Variants in SLIT2 observed in about 807,000 individuals in gnomAD.
SLIT2 encodes the protein slit homolog 2 protein.
In SLIT2, 41 loss-of-function variants were observed where a neutral mutation model predicts 185.7. The ratio of observed to expected loss-of-function variants is 0.22; its 90% CI spans 0.17 to 0.29. SLIT2 has a LOEUF of 0.29. Among genes scored for constraint, SLIT2 ranks in the 10% least tolerant of loss-of-function variants. SLIT2 has a pLI of 1.00. For missense variants in SLIT2, 1,571 were observed against 1,909.0 expected, an observed-to-expected ratio of 0.82 and a Z score of 3.30; for synonymous variants, 693 against 680.2, an observed-to-expected ratio of 1.02 and a Z score of -0.29.
chr4:20,309,011 T>C (rs974767787), intron 4 of SLIT2, among the ~76,000 whole-genome samples: 1 of 152,124 alleles, frequency 6.6e-6, no homozygotes, highest in Non-Finnish European at 1.5e-5. Flanking sequence ...CCTAAGGTAT[T>C]TTAGGATTCT....
intron 4 of SLIT2, among the ~76,000 whole-genome samples, chr4:20,333,782 G>A (rs558234685): frequency 6.6e-6 from 1 of 152,128 alleles, no homozygotes; most frequent in Admixed American, 6.6e-5. Context: ...AGGATACGAT[G>A]TTGTATTGCT....
chr4:20,442,543 A>AG lies in SLIT2; in HGVS notation c.396-25201dup, dbSNP rs1221386484. 2.9e-3 allele frequency among the ~76,000 whole-genome samples: 364 copies of AG among 125,512 alleles called. 1 individual carries two copies. The highest frequency in any genetic ancestry group is 6.7e-3 in the African/African-American group (210 of 31,330). 82.3% of individuals were successfully genotyped at this position (125,512 alleles called of 152,430 possible). Reference sequence around the variant, plus strand: ...TGTCTCAAAAAAAAAAAAAAAAAAAAGGGGGGGGAGGGACCGATTTTATGA... The same window carrying AG: ...TGTCTCAAAAAAAAAAAAAAAAAAAAGGGGGGGGGAGGGACCGATTTTATGA... On this transcript the variant is annotated intron_variant, in intron 4 of 36. Coordinates refer to ENST00000504154, the MANE Select transcript of SLIT2 (RefSeq NM_004787.4).
rs1344851649 is a variant in SLIT2 at position 20,463,454 on chromosome 4, T to G, written c.396-4298T>G. Among the ~76,000 whole-genome samples the G allele has an allele frequency of 3.7e-3, 116 of 31,414 alleles. 1 individual carries two copies. The highest frequency in any genetic ancestry group is 0.014 in the Middle Eastern group (1 of 72). 20.6% of individuals were successfully genotyped at this position (31,414 alleles called of 152,430 possible). The stretch of plus-strand genomic sequence containing the variant: ...TTCATTGACCTCAAACTGTGATATA[T>G]ATATATATATATATATATATATATA... On this transcript the variant is annotated intron_variant, in intron 4 of 36. Transcript: ENST00000504154.
intron 3 of SLIT2, among the ~76,000 whole-genome samples, chr4:20,259,981 C>T (rs370866715): frequency 1.1e-4 from 16 of 151,754 alleles, no homozygotes; most frequent in African/African-American, 3.9e-4. Context: ...GAATTCAAAA[C>T]CATTTCTTAG....
intron 33 of SLIT2, among the ~76,000 whole-genome samples, chr4:20,606,592 G>A (rs1728813306): frequency 6.6e-6 from 1 of 152,114 alleles, no homozygotes. Flanking sequence ...TAATCTCAAT[G>A]ATAAGTCTTG....
At chr4:20,413,691 A>T (rs940159913) in intron 4 of SLIT2, among the ~76,000 whole-genome samples, 4 of 152,170 alleles carry the variant, frequency 2.6e-5, no homozygotes, top group Middle Eastern at 3.4e-3. Context: ...TATGAAATAT[A>T]CTTCTTTTTC....
At chr4:20,302,703 C>A (rs1717169423) in intron 4 of SLIT2, among the ~76,000 whole-genome samples, 1 of 152,120 alleles carries the variant, frequency 6.6e-6, no homozygotes, top group South Asian at 2.1e-4. Flanking sequence ...ATCCAGTGAC[C>A]AAGAGAGGAG....
intron 4 of SLIT2, among the ~76,000 whole-genome samples, chr4:20,407,930 C>T (rs1260283047): frequency 6.6e-6 from 1 of 152,102 alleles, no homozygotes; most frequent in African/African-American, 2.4e-5. Context: ...TAAAACAAAA[C>T]ACTTTGATTG....
intron 29 of SLIT2, among the ~76,000 whole-genome samples, chr4:20,572,238 C>A (rs1725667102): frequency 6.6e-6 from 1 of 152,136 alleles, no homozygotes; most frequent in Non-Finnish European, 1.5e-5. Context: ...CCATATACTC[C>A]AGTTATCATC....
At chr4:20,459,598 C>A (rs746684715) in intron 4 of SLIT2, among the ~76,000 whole-genome samples, 1 of 151,936 alleles carries the variant, frequency 6.6e-6, no homozygotes, top group Non-Finnish European at 1.5e-5. Context: ...GATACAAAGA[C>A]TTTAATCTGT....
At chr4:20,548,160 T>C (rs900407861) in intron 22 of SLIT2, among the ~76,000 whole-genome samples, 2 of 152,112 alleles carry the variant, frequency 1.3e-5, no homozygotes, top group African/African-American at 4.8e-5. Flanking sequence ...AAAAGCCTTA[T>C]GGAGATGGGC....
intron 30 of SLIT2, 145 bp downstream of exon 30, chr4:20,589,882 G>T: frequency 6.9e-6 from 3 of 437,756 alleles, no homozygotes; most frequent in East Asian, 4.6e-5. Flanking sequence ...TTTTTTAAAT[G>T]TCGATATACA....
intron 15 of SLIT2, among the ~76,000 whole-genome samples, chr4:20,526,096 T>A (rs1425279624): frequency 6.6e-6 from 1 of 152,152 alleles, no homozygotes; most frequent in Non-Finnish European, 1.5e-5. Context: ...ATAAAAAATT[T>A]TAAGAGCTAT....
At chr4:20,543,110 T>G (rs1211086492) in intron 21 of SLIT2, among the ~76,000 whole-genome samples, 1 of 151,892 alleles carries the variant, frequency 6.6e-6, no homozygotes, top group African/African-American at 2.4e-5. Context: ...AGGAGAAAAT[T>G]TTACCACATG....
At chr4:20,337,344 A>G (rs986854719) in intron 4 of SLIT2, among the ~76,000 whole-genome samples, 1 of 152,118 alleles carries the variant, frequency 6.6e-6, no homozygotes, top group Non-Finnish European at 1.5e-5. Context: ...ATCAGATGTC[A>G]TGAGATGTAT....
intron 4 of SLIT2, among the ~76,000 whole-genome samples, chr4:20,322,884 C>G (rs76403545): frequency 0.053 from 8,032 of 152,188 alleles, 239 homozygotes; most frequent in Admixed American, 0.07. Flanking sequence ...ACTTCACCTT[C>G]TAACCACCAG....
intron 12 of SLIT2, among the ~76,000 whole-genome samples, chr4:20,520,740 TA>T (rs1230931607): frequency 6.6e-6 from 1 of 152,138 alleles, no homozygotes; most frequent in African/African-American, 2.4e-5. Context: ...AATGAAACAA[TA>T]ATGAACCTTA....
At chr4:20,527,386 T>C (rs1053186134) in intron 15 of SLIT2, among the ~76,000 whole-genome samples, 26 of 151,948 alleles carry the variant, frequency 1.7e-4, no homozygotes, top group African/African-American at 3.6e-4. Flanking sequence ...CCCGAGTTCA[T>C]GCCATTCTCC....
At chr4:20,367,572 T>G (rs1723215292) in intron 4 of SLIT2, among the ~76,000 whole-genome samples, 1 of 152,142 alleles carries the variant, frequency 6.6e-6, no homozygotes, top group African/African-American at 2.4e-5. Context: ...TCAAATACAA[T>G]GTTTATATTT....
Sources: gnomAD v4.1 joint callset for allele counts (sites outside exome capture counted in the v4.1 genomes callset) on GRCh38, gnomAD v4.1.1 for gene constraint, MANE v1.5 for transcripts, NCBI Gene and HGNC (gene_info 2026-07-23, HGNC 2026-07-21) for gene names.